PDE7B: variants seen among roughly 807,000 people sequenced by gnomAD.
PDE7B encodes phosphodiesterase 7B.
A neutral mutation model predicts 56.2 loss-of-function variants in PDE7B; 29 were observed. That is an observed-to-expected ratio of 0.52 (90% CI 0.38 to 0.70). PDE7B has a LOEUF of 0.70. Ranked by LOEUF, PDE7B falls within the 30% of genes least tolerant of loss-of-function variation. The probability of loss-of-function intolerance (pLI) is 0.00; values close to 1 mark genes in which losing one functional copy is unlikely to be tolerated. For synonymous variants in PDE7B, 197 were observed against 196.9 expected (o/e 1.00, Z 0.00); for missense variants, 490 against 565.0 (o/e 0.87, Z 1.35).
intron 3 of PDE7B, among the ~76,000 whole-genome samples, chr6:136,125,786 T>G (rs188422600): frequency 6.6e-6 from 1 of 152,190 alleles, no homozygotes; most frequent in South Asian, 2.1e-4. Flanking sequence ...CTTGTAAAGG[T>G]GTTCCCAGGC....
rs371037409 is a variant in PDE7B, at chr6:135,989,617, A to AAATAAT, written c.82+42111_82+42116dup. On this transcript the variant is annotated intron_variant, in intron 2 of 12. Transcript: ENST00000308191. Reference sequence around the variant, plus strand: ...CAACAAGAGCGAAACTCTGTCTCCAAAATAATAATAATAATAATAATAAAT... The same window carrying AAATAAT: ...CAACAAGAGCGAAACTCTGTCTCCAAAATAATAATAATAATAATAATAATAATAAAT... Among the ~76,000 whole-genome samples the AAATAAT allele has an allele frequency of 6.6e-5, 10 of 151,834 alleles. No homozygotes were observed. In the East Asian group the frequency reaches 1.5e-3, roughly 23 times the overall value.
intron 1 of PDE7B, among the ~76,000 whole-genome samples, chr6:135,915,514 G>T (rs9494414): frequency 0.23 from 35,539 of 151,958 alleles, 5,440 homozygotes; most frequent in African/African-American, 0.44. Flanking sequence ...TCTCATTGTG[G>T]GTTTAATTTG....
chr6:135,900,973 C>T (rs1012481144), intron 1 of PDE7B, among the ~76,000 whole-genome samples: 2 of 152,150 alleles, frequency 1.3e-5, no homozygotes, highest in African/African-American at 4.8e-5. Context: ...GTTGGCCCTT[C>T]TAAAAATTTT....
intron 3 of PDE7B, among the ~76,000 whole-genome samples, chr6:136,114,582 T>C (rs376124351): frequency 3.9e-5 from 6 of 152,300 alleles, no homozygotes; most frequent in Admixed American, 2.0e-4. Context: ...TACAGCCTTT[T>C]AGTAACCTTA....
At chr6:135,970,405 G>A (rs1447741884) in intron 2 of PDE7B, among the ~76,000 whole-genome samples, 3 of 150,402 alleles carry the variant, frequency 2.0e-5, no homozygotes, top group Non-Finnish European at 2.9e-5. Context: ...AGCAGTAGGA[G>A]GAGATGAGTT....
chr6:136,119,413 C>A (rs923150353), intron 3 of PDE7B, among the ~76,000 whole-genome samples: 1 of 151,830 alleles, frequency 6.6e-6, no homozygotes, highest in Non-Finnish European at 1.5e-5. Flanking sequence ...TTTCAATGTC[C>A]GCCAGAAAAA....
intron 1 of PDE7B, among the ~76,000 whole-genome samples, chr6:135,897,085 A>G (rs557830457): frequency 3.3e-5 from 5 of 152,284 alleles, no homozygotes; most frequent in East Asian, 1.9e-4. Context: ...CACTGCCACA[A>G]TGATCAACTT....
chr6:136,128,463 G>A (rs1778057793), intron 3 of PDE7B, among the ~76,000 whole-genome samples: 2 of 152,176 alleles, frequency 1.3e-5, no homozygotes, highest in Admixed American at 6.5e-5. Flanking sequence ...TTTACTGAGT[G>A]TCTTAATCTT....
At chr6:136,171,690 G>C (rs913920047) in intron 8 of PDE7B, among the ~76,000 whole-genome samples, 2 of 151,548 alleles carry the variant, frequency 1.3e-5, no homozygotes, top group Non-Finnish European at 2.9e-5. Flanking sequence ...ACAATGTGCA[G>C]GTTAGTTACA....
intron 2 of PDE7B, among the ~76,000 whole-genome samples, chr6:136,080,138 TC>T (rs1454266403): frequency 6.6e-6 from 1 of 152,026 alleles, no homozygotes; most frequent in Non-Finnish European, 1.5e-5. Context: ...AATAACCCTC[TC>T]CCCCTTTTGG....
chr6:136,138,600 A>T (rs1778256689), intron 3 of PDE7B, among the ~76,000 whole-genome samples: 2 of 152,158 alleles, frequency 1.3e-5, no homozygotes, highest in Non-Finnish European at 2.9e-5. Flanking sequence ...TATGTCCTCA[A>T]ATAAGAAAGT....
At chr6:136,020,521 C>T (rs960231439) in intron 2 of PDE7B, among the ~76,000 whole-genome samples, 3 of 152,068 alleles carry the variant, frequency 2.0e-5, no homozygotes, top group African/African-American at 7.2e-5. Context: ...TCCTTTCTTA[C>T]CATACCATCT....
At chr6:135,934,018 C>T (rs975929263) in intron 1 of PDE7B, among the ~76,000 whole-genome samples, 2 of 152,182 alleles carry the variant, frequency 1.3e-5, no homozygotes, top group Admixed American at 1.3e-4. Context: ...TCCTATACCT[C>T]TGTTGGTACT....
chr6:136,023,769 T>A (rs1193086722), intron 2 of PDE7B, among the ~76,000 whole-genome samples: 1 of 152,116 alleles, frequency 6.6e-6, no homozygotes, highest in Non-Finnish European at 1.5e-5. Context: ...TAGATACAGA[T>A]ATAGATATCA....
rs984682395 is a variant in PDE7B, at chr6:136,192,318, T to C, written c.*478T>C. On this transcript the variant is annotated 3_prime_UTR_variant, in exon 13 of 13. Transcript: ENST00000308191. ...AAATGAGAGTGTGAGAGAAAGTACC[T>C]TCTATTTTAATAATAATATTATTAT... 6.6e-6 allele frequency: 1 copy of C among 152,386 alleles called. No homozygotes were observed. The highest frequency in any genetic ancestry group is 1.5e-5 in the Non-Finnish European group (1 of 68,040). 9.4% of individuals were successfully genotyped at this position (152,386 alleles called of 1,614,324 possible).
chr6:135,854,607 C>G (rs7739295), intron 1 of PDE7B, among the ~76,000 whole-genome samples: 16,425 of 152,170 alleles, frequency 0.11, 1,959 homozygotes, highest in African/African-American at 0.3. Flanking sequence ...TCTCTATTGA[C>G]ACCTCCTCAT....
intron 2 of PDE7B, among the ~76,000 whole-genome samples, chr6:136,107,084 T>A (rs1356887402): frequency 6.6e-6 from 1 of 152,208 alleles, no homozygotes; most frequent in Non-Finnish European, 1.5e-5. Flanking sequence ...CAAGAGCTCA[T>A]GGCTTGCACT....
chr6:136,012,648 T>C (rs1308911878), intron 2 of PDE7B: 1 of 152,140 alleles, frequency 6.6e-6, no homozygotes, highest in Non-Finnish European at 1.5e-5. Context: ...CCAGATCTCC[T>C]GAGAACTCCC....
At position 136,187,060 on chromosome 6, in the gene PDE7B, T is replaced by C. The variant is rs947017381; in HGVS notation, c.1070T>C (p.Leu357Pro). Residue 357 changes from leucine to proline, a missense_variant, in exon 12 of 13, where the codon CTG becomes CCG. By Grantham distance (98) the Leu-to-Pro change is moderately conservative (BLOSUM62 -3). Coordinates refer to ENST00000308191, the MANE Select transcript of PDE7B (RefSeq NM_018945.4). The stretch of plus-strand genomic sequence containing the variant: ...GGTGAACTTGAACAGAAATTTGAAC[T>C]GGAAATCAGTCCTCTTTGTAATCAA... ...RQGELEQKFELEISPLCNQQK... is the reference protein window; with the variant it reads ...RQGELEQKFEPEISPLCNQQK... 3.8e-6 allele frequency: 6 copies of C among 1,587,072 alleles called. No homozygotes were observed. Among genetic ancestry groups the C allele is most frequent in the Admixed American group, 3.4e-5 (2 of 59,558 alleles).
Sources: allele counts gnomAD v4.1 joint callset (sites outside exome capture counted in the v4.1 genomes callset), GRCh38; gene constraint gnomAD v4.1.1; transcripts MANE v1.5; gene names NCBI Gene and HGNC (gene_info 2026-07-23, HGNC 2026-07-21).